CBX3: variants seen among roughly 807,000 people sequenced by gnomAD.
The protein encoded by CBX3 is chromobox 3, also known as chromobox protein homolog 3.
In CBX3, 5 loss-of-function variants were observed where a neutral mutation model predicts 22.6. The ratio of observed to expected loss-of-function variants is 0.22; its 90% CI spans 0.12 to 0.47. The LOEUF (loss-of-function observed/expected upper bound fraction) is 0.47, where lower values mean the gene tolerates loss of function less well. Among genes scored for constraint, CBX3 ranks in the 20% least tolerant of loss-of-function variants. CBX3 has a pLI of 0.99. For missense variants in CBX3, 83 were observed against 208.1 expected (o/e 0.40, Z 3.70); for synonymous variants, 50 against 66.6 (o/e 0.75, Z 1.21).
intron 2 of CBX3, 101 bp downstream of exon 2, chr7:26,203,123 T>G (rs1784589893): frequency 1.4e-6 from 1 of 692,746 alleles, no homozygotes; most frequent in African/African-American, 1.9e-5. Flanking sequence ...TACATCCACA[T>G]ATTTCCCAGC....
chr7:26,209,033 A>C (rs549026572), intron 4 of CBX3, among the ~76,000 whole-genome samples: 1 of 139,638 alleles, frequency 7.2e-6, no homozygotes, highest in East Asian at 2.2e-4. Flanking sequence ...CCGCCTCCAG[A>C]GTAGCTGGGA....
intron 4 of CBX3, 117 bp from the exon 5 acceptor site, chr7:26,211,545 T>C (rs1784803127): frequency 1.8e-6 from 1 of 551,010 alleles, no homozygotes; most frequent in Non-Finnish European, 3.1e-6. Context: ...AATTACCAAA[T>C]ATGGGTTCTT....
rs541058585 is a variant in CBX3, at chr7:26,213,200, C to T, written c.*992C>T. ...GTTTTTTCTTTACCCCAATTCATTA[C>T]ATGGAGGCTCAATCTTGAGTTTGCT... On this transcript the variant is annotated 3_prime_UTR_variant, in exon 6 of 6. Transcript: ENST00000396386. The T allele has an allele frequency of 1.8e-4, 28 of 152,834 alleles. No individual in the cohort carries two copies. The highest frequency in any genetic ancestry group is 1.6e-3 in the Admixed American group (24 of 15,312). 9.5% of individuals were successfully genotyped at this position (152,834 alleles called of 1,614,324 possible).
intron 4 of CBX3, among the ~76,000 whole-genome samples, chr7:26,209,019 A>C (rs1347245171): frequency 3.9e-5 from 5 of 128,112 alleles, no homozygotes; most frequent in Non-Finnish European, 7.8e-5. Context: ...GCTCACTGCA[A>C]CCTCCGCCTC....
rs1364119864 is a variant in CBX3 at position 26,213,061 on chromosome 7, A to G, written c.*853A>G. On this transcript the variant is annotated 3_prime_UTR_variant, in exon 6 of 6. Transcript: ENST00000396386. ...ACTAAAAGGTCATGATGAATGGAAT[A>G]TGTAAGACTTGGCTCATAGAAACCT... 6 of 152,350 alleles carry G rather than the reference A, an allele frequency of 3.9e-5. No individual in the cohort carries two copies. Among genetic ancestry groups the G allele is most frequent in the African/African-American group, 7.2e-5 (3 of 41,488 alleles). 9.4% of individuals were successfully genotyped at this position (152,350 alleles called of 1,614,324 possible).
rs1290799063 is a variant in CBX3, at chr7:26,212,361, G to GT, written c.*159dup. On this transcript the variant is annotated 3_prime_UTR_variant, in exon 6 of 6. Coordinates refer to ENST00000396386, the MANE Select transcript of CBX3 (RefSeq NM_016587.4). ...AGTAGCGTTGGAAGAGTTGTTGGGG[G>GT]TTTTTTGCATCCATAGCACTGGTTA... The GT allele has an allele frequency of 7.6e-6, 3 of 393,756 alleles. No homozygotes were observed. The highest frequency in any genetic ancestry group is 4.3e-5 in the African/African-American group (2 of 46,262). 24.4% of individuals were successfully genotyped at this position (393,756 alleles called of 1,614,324 possible).
At chr7:26,206,157 G>A in intron 2 of CBX3, 2 of 469,590 alleles carry the variant, frequency 4.3e-6, no homozygotes, top group Non-Finnish European at 3.7e-6. Context: ...TTATTTTGGT[G>A]GTGGGTTGTA....
At chr7:26,203,060 C>T (rs752508670) in intron 2 of CBX3, 38 bp downstream of exon 2, 3 of 1,406,994 alleles carry the variant, frequency 2.1e-6, no homozygotes, top group Non-Finnish European at 2.9e-6. Flanking sequence ...AAGGATTTAA[C>T]TCAAGTTTTT....
intron 3 of CBX3, 84 bp from the exon 4 acceptor site, chr7:26,208,309 G>C (rs575109916): frequency 5.9e-5 from 65 of 1,108,176 alleles, no homozygotes; most frequent in Non-Finnish European, 7.4e-5. Flanking sequence ...ATTCCCCCGG[G>C]TGTCTATTAA....
intron 4 of CBX3, among the ~76,000 whole-genome samples, chr7:26,210,988 G>A (rs757792380): frequency 1.3e-5 from 2 of 151,588 alleles, no homozygotes; most frequent in African/African-American, 2.4e-5. Context: ...AGCGCAGGGG[G>A]TCCAATCTTT....
intron 2 of CBX3, 63 bp from the exon 3 acceptor site, chr7:26,206,305 C>A: frequency 9.0e-7 from 1 of 1,107,242 alleles, no homozygotes; most frequent in Non-Finnish European, 1.3e-6. Context: ...AGCAATTGAG[C>A]CTTGAAAATG....
rs1390979011 is a variant in CBX3, at chr7:26,213,115, T to C, written c.*907T>C. On this transcript the variant is annotated 3_prime_UTR_variant, in exon 6 of 6. Transcript: ENST00000396386. Reference sequence around the variant, plus strand: ...CAGATGGTTAGAGGTGTTGGCAGTTTAGGACCTGCTGTCATAAATGTGTGA... The same window carrying C: ...CAGATGGTTAGAGGTGTTGGCAGTTCAGGACCTGCTGTCATAAATGTGTGA... 6.6e-6 allele frequency: 1 copy of C among 152,532 alleles called. No homozygotes were observed. The allele number at this position is 152,532 out of a possible 1,614,324, so 9.4% of individuals were successfully genotyped here.
chr7:26,213,347 C>T lies in CBX3; in HGVS notation c.*1139C>T, dbSNP rs1784856142. The T allele has an allele frequency of 6.6e-6, 1 of 152,512 alleles. No individual in the cohort carries two copies. The highest frequency in any genetic ancestry group is 6.5e-5 in the Admixed American group (1 of 15,276). 9.4% of individuals were successfully genotyped at this position (152,512 alleles called of 1,614,324 possible). ...GTGGTTAATAAATAGTTTTATATTC[C>T]TTTATGCAATTATTAGACTTTTTTC... On this transcript the variant is annotated 3_prime_UTR_variant, in exon 6 of 6. Transcript: ENST00000396386.
chr7:26,205,826 C>A (rs942915875), intron 2 of CBX3, among the ~76,000 whole-genome samples: 1 of 152,240 alleles, frequency 6.6e-6, no homozygotes, highest in Non-Finnish European at 1.5e-5. Flanking sequence ...TGGCTCACGC[C>A]TGTAATGCCA....
At chr7:26,207,170 A>G (rs559395339) in intron 3 of CBX3, among the ~76,000 whole-genome samples, 1 of 152,188 alleles carries the variant, frequency 6.6e-6, no homozygotes, top group African/African-American at 2.4e-5. Context: ...GTGGAGATCA[A>G]TTTCCTGAGC....
intron 2 of CBX3, chr7:26,205,910 A>T (rs1784665230): frequency 6.4e-6 from 1 of 155,684 alleles, no homozygotes; most frequent in African/African-American, 2.4e-5. Context: ...ACATGGTGAA[A>T]CCCTGTTTCT....
chr7:26,208,729 C>G (rs1235413740), intron 4 of CBX3, among the ~76,000 whole-genome samples, 174 bp downstream of exon 4: 1 of 151,878 alleles, frequency 6.6e-6, no homozygotes, highest in Non-Finnish European at 1.5e-5. Context: ...AAGCGATTCT[C>G]CTGCCTGAGC....
intron 4 of CBX3, chr7:26,210,401 T>C (rs1166787018): frequency 1.3e-5 from 2 of 152,252 alleles, no homozygotes; most frequent in Non-Finnish European, 2.9e-5. Context: ...CTGTGAAATA[T>C]CTGTGCAGTA....
chr7:26,208,654 C>G (rs993050006), intron 4 of CBX3, 99 bp downstream of exon 4: 63 of 1,165,704 alleles, frequency 5.4e-5, no homozygotes, highest in Non-Finnish European at 6.5e-5. Context: ...GAGTCTTGCT[C>G]TTGTCGCCCA....
Sources: allele counts gnomAD v4.1 joint callset (sites outside exome capture counted in the v4.1 genomes callset), GRCh38; gene constraint gnomAD v4.1.1; transcripts MANE v1.5; gene names NCBI Gene and HGNC (gene_info 2026-07-23, HGNC 2026-07-21).